The following DCDC2C variants were observed in gnomAD, a reference collection of about 807,000 sequenced individuals.
The protein encoded by DCDC2C is doublecortin domain-containing protein 2C.
In DCDC2C, 44 loss-of-function variants were observed where a neutral mutation model predicts 45.0. The observed-to-expected ratio is 0.98, with a 90% CI of 0.77 to 1.26. DCDC2C has a LOEUF of 1.26. DCDC2C is among the 50% of genes most tolerant of loss of function. The probability of loss-of-function intolerance (pLI) is 0.00; values close to 1 mark genes in which losing one functional copy is unlikely to be tolerated. For synonymous variants in DCDC2C, 187 were observed against 178.8 expected, an observed-to-expected ratio of 1.05 and a Z score of -0.37; for missense variants, 447 against 468.9, an observed-to-expected ratio of 0.95 and a Z score of 0.43.
At chr2:3,790,355 G>A (rs1225752767) in intron 10 of DCDC2C, among the ~76,000 whole-genome samples, 1 of 152,210 alleles carries the variant, frequency 6.6e-6, no homozygotes, top group African/African-American at 2.4e-5. Flanking sequence ...GACATGCTAA[G>A]CTCAGAACGT....
At chr2:3,846,970 T>C (rs1485852992) in intron 10 of DCDC2C, among the ~76,000 whole-genome samples, 184 bp from the exon 11 acceptor site, 1 of 152,192 alleles carries the variant, frequency 6.6e-6, no homozygotes, top group South Asian at 2.1e-4. Context: ...CATGTTGCCG[T>C]TGGGTGTGCC....
intron 10 of DCDC2C, among the ~76,000 whole-genome samples, chr2:3,834,477 G>A (rs1368331960): frequency 6.6e-6 from 1 of 152,126 alleles, no homozygotes; most frequent in Admixed American, 6.5e-5. Context: ...GACTATAAAC[G>A]CTTAGCGGGA....
Position 3,722,215 on chromosome 2 carries a change from C to T in DCDC2C, c.340-4788C>T, listed in dbSNP as rs139622294. Among the ~76,000 whole-genome samples the T allele has an allele frequency of 4.9e-3, 750 of 152,340 alleles. 7 individuals are homozygous for T. Among genetic ancestry groups the T allele is most frequent in the African/African-American group, 0.016 (667 of 41,574 alleles). On this transcript the variant is annotated intron_variant, in intron 2 of 10. Coordinates refer to ENST00000399143, the MANE Select transcript of DCDC2C (RefSeq NM_001287444.2). The stretch of plus-strand genomic sequence containing the variant: ...AAGTGGCAGAGCCAGTACTGGGATC[C>T]TGGATGATCCAAAGCACAGGCTCCT...
intron 10 of DCDC2C, among the ~76,000 whole-genome samples, chr2:3,841,400 A>G (rs1672210872): frequency 6.7e-6 from 1 of 149,976 alleles, no homozygotes; most frequent in South Asian, 2.1e-4. Context: ...TTAATATTTT[A>G]TATTATTTTA....
At chr2:3,704,243 C>A in intron 1 of DCDC2C, 1 of 419,006 alleles carries the variant, frequency 2.4e-6, no homozygotes. Context: ...GGCAGCCCCG[C>A]CCCCAGGGTC....
chr2:3,766,284 A>G (rs1005947401), intron 6 of DCDC2C, among the ~76,000 whole-genome samples: 7 of 151,088 alleles, frequency 4.6e-5, no homozygotes, highest in African/African-American at 1.7e-4. Flanking sequence ...CCACATACAC[A>G]CTCATACATA....
intron 6 of DCDC2C, among the ~76,000 whole-genome samples, chr2:3,765,678 G>T (rs1669993026): frequency 6.6e-6 from 1 of 152,232 alleles, no homozygotes; most frequent in Non-Finnish European, 1.5e-5. Flanking sequence ...GCCAGGCATG[G>T]TTCTAGGCTC....
chr2:3,790,858 T>C lies in DCDC2C; in HGVS notation c.1065+5758T>C, dbSNP rs559440549. On this transcript the variant is annotated intron_variant, in intron 10 of 10. Coordinates refer to ENST00000399143, the MANE Select transcript of DCDC2C (RefSeq NM_001287444.2). ...GCGCGGTGGTTCATGCCTGTAATCC[T>C]AGCACTTTGGGAGGCCAAGGAGGAC... Among the ~76,000 whole-genome samples the C allele has an allele frequency of 9.2e-5, 14 of 152,196 alleles. No homozygotes were observed. In the South Asian group the frequency reaches 2.1e-3, roughly 23 times the overall value.
At chr2:3,763,898 T>G (rs1669950934) in intron 6 of DCDC2C, among the ~76,000 whole-genome samples, 2 of 152,216 alleles carry the variant, frequency 1.3e-5, no homozygotes, top group African/African-American at 4.8e-5. Flanking sequence ...AGGCGATTAT[T>G]GAGGGAATGA....
At chr2:3,814,529 A>G (rs369500486) in intron 10 of DCDC2C, among the ~76,000 whole-genome samples, 3 of 152,164 alleles carry the variant, frequency 2.0e-5, no homozygotes, top group African/African-American at 4.8e-5. Flanking sequence ...CGTCCATCTG[A>G]TCATCCTCCT....
chr2:3,810,528 G>T (rs1291629203), intron 10 of DCDC2C, among the ~76,000 whole-genome samples: 1 of 152,194 alleles, frequency 6.6e-6, no homozygotes, highest in Non-Finnish European at 1.5e-5. Flanking sequence ...CTCCCATTCT[G>T]TAGGTTGCCT....
At chr2:3,813,063 ATATATTTTTTTTT>A (rs1248161322) in intron 10 of DCDC2C, among the ~76,000 whole-genome samples, 5 of 16,812 alleles carry the variant, frequency 3.0e-4, no homozygotes, top group African/African-American at 4.7e-4. Flanking sequence ...ATATATATAT[ATATATTTTTTTTT>A]TTTTGCTGTT....
intron 10 of DCDC2C, among the ~76,000 whole-genome samples, chr2:3,827,455 T>C (rs1671854583): frequency 6.6e-6 from 1 of 152,090 alleles, no homozygotes; most frequent in South Asian, 2.1e-4. Context: ...GCTGTTCTCT[T>C]CTGTGGACTG....
chr2:3,790,713 C>T (rs1670781611), intron 10 of DCDC2C, among the ~76,000 whole-genome samples: 1 of 152,122 alleles, frequency 6.6e-6, no homozygotes, highest in Non-Finnish European at 1.5e-5. Context: ...GAGACAAGGT[C>T]AATAGCAATC....
chr2:3,776,565 T>C (rs957220639), intron 8 of DCDC2C, among the ~76,000 whole-genome samples: 2 of 152,228 alleles, frequency 1.3e-5, no homozygotes, highest in Non-Finnish European at 2.9e-5. Flanking sequence ...GACTTCCCTT[T>C]TCCCTCTGGC....
At chr2:3,815,032 C>T (rs1422075733) in intron 10 of DCDC2C, among the ~76,000 whole-genome samples, 3 of 152,270 alleles carry the variant, frequency 2.0e-5, no homozygotes, top group Admixed American at 6.5e-5. Flanking sequence ...GCTTAGACAG[C>T]AGGCAGCTGC....
intron 2 of DCDC2C, among the ~76,000 whole-genome samples, chr2:3,714,788 A>G (rs1452975921): frequency 6.6e-6 from 1 of 152,226 alleles, no homozygotes; most frequent in East Asian, 1.9e-4. Context: ...CTTAGGCTGC[A>G]GTACTTTGGG....
In DCDC2C at chr2:3,704,020, A is replaced by T; in HGVS notation, c.269A>T (p.Glu90Val). The change falls in exon 1 of 11, where the codon GAG (glutamate) becomes GTG (valine). Residue 90 changes from glutamate to valine, a missense_variant. By Grantham distance (121) the Glu-to-Val change is moderately radical. Transcript: ENST00000399143. ...AGGKYVAAGRERFKELDYIHI... is the reference protein window; with the variant it reads ...AGGKYVAAGRVRFKELDYIHI... ...GGCAAGTACGTGGCGGCGGGCCGCG[A>T]GCGCTTCAAGGAGCTCGAGTAAGTG... 1 of 1,279,418 alleles carries T rather than the reference A, an allele frequency of 7.8e-7. No individual in the cohort carries two copies. The highest frequency in any genetic ancestry group is 9.9e-7 in the Non-Finnish European group (1 of 1,012,414). The allele number at this position is 1,279,418 out of a possible 1,614,324, so 79.3% of individuals were successfully genotyped here.
intron 10 of DCDC2C, among the ~76,000 whole-genome samples, chr2:3,801,776 A>G (rs1671120872): frequency 6.6e-6 from 1 of 152,232 alleles, no homozygotes; most frequent in South Asian, 2.1e-4. Context: ...TGCAGCATGC[A>G]TGCTGACCCA....
Sources: allele counts gnomAD v4.1 joint callset (sites outside exome capture counted in the v4.1 genomes callset), GRCh38; gene constraint gnomAD v4.1.1; transcripts MANE v1.5; gene names NCBI Gene and HGNC (gene_info 2026-07-23, HGNC 2026-07-21).